SGMS2: variants seen among roughly 807,000 people sequenced by gnomAD.
The protein encoded by SGMS2 is sphingomyelin synthase 2.
In SGMS2, 21 loss-of-function variants were observed where a neutral mutation model predicts 43.8. That is an observed-to-expected ratio of 0.48 (90% CI 0.34 to 0.69). The LOEUF (loss-of-function observed/expected upper bound fraction) is 0.69. Ranked by LOEUF, SGMS2 falls within the 30% of genes least tolerant of loss-of-function variation. The pLI, the probability that SGMS2 is intolerant of heterozygous loss-of-function variation, is 0.01. For missense variants in SGMS2, 384 were observed against 443.2 expected, an observed-to-expected ratio of 0.87 and a Z score of 1.20; for synonymous variants, 167 against 160.6, an observed-to-expected ratio of 1.04 and a Z score of -0.30.
At position 107,825,029 on chromosome 4, in the gene SGMS2, G is replaced by C. The variant is rs1395488295; in HGVS notation, c.-551G>C. 1 of 151,900 alleles carries C rather than the reference G, an allele frequency of 6.6e-6. No homozygotes were observed. The highest frequency in any genetic ancestry group is 1.5e-5 in the Non-Finnish European group (1 of 68,030). 9.4% of individuals were successfully genotyped at this position (151,900 alleles called of 1,614,324 possible). On this transcript the variant is annotated 5_prime_UTR_variant, in exon 1 of 7. Transcript: ENST00000690982. ...CTGCAGCGCCGCCGAGTGCGGCCTC[G>C]GGGGCGGCGGCCGCGGGAGGGACCC...
chr4:107,855,719 A>T (rs1184144279), intron 1 of SGMS2, among the ~76,000 whole-genome samples: 1 of 152,180 alleles, frequency 6.6e-6, no homozygotes, highest in Non-Finnish European at 1.5e-5. Context: ...TCTAGAGTAT[A>T]GTTTAATTCC....
At chr4:107,887,639 G>A (rs936057862) in intron 2 of SGMS2, among the ~76,000 whole-genome samples, 3 of 152,118 alleles carry the variant, frequency 2.0e-5, no homozygotes, top group African/African-American at 7.2e-5. Context: ...AATTTGATTT[G>A]GAAAGTTTGT....
chr4:107,908,465 C>A, intron 5 of SGMS2, 100 bp from the exon 6 acceptor site: 2 of 1,199,064 alleles, frequency 1.7e-6, no homozygotes. Context: ...TGGTGACTTC[C>A]TGATCCTGGG....
chr4:107,866,650 G>A (rs1230904501), intron 2 of SGMS2, among the ~76,000 whole-genome samples: 1 of 151,896 alleles, frequency 6.6e-6, no homozygotes, highest in Non-Finnish European at 1.5e-5. Flanking sequence ...TCTCACGGTG[G>A]TGTTCTGAGC....
chr4:107,875,205 A>C (rs565227587), intron 2 of SGMS2, among the ~76,000 whole-genome samples: 1 of 152,202 alleles, frequency 6.6e-6, no homozygotes. Context: ...ACACATGCAC[A>C]TGTCTGTTCA....
chr4:107,891,828 T>A (rs973776577), intron 2 of SGMS2, among the ~76,000 whole-genome samples: 7 of 152,180 alleles, frequency 4.6e-5, no homozygotes, highest in African/African-American at 1.7e-4. Context: ...CCACACCATG[T>A]TGCCTGTTTC....
chr4:107,888,911 A>T (rs938187450), intron 2 of SGMS2, among the ~76,000 whole-genome samples: 8 of 152,326 alleles, frequency 5.3e-5, no homozygotes, highest in Middle Eastern at 3.4e-3. Context: ...TAGATTATTT[A>T]TGAAAACTGT....
intron 2 of SGMS2, among the ~76,000 whole-genome samples, chr4:107,879,934 T>G (rs561356016): frequency 2.0e-5 from 3 of 152,336 alleles, no homozygotes; most frequent in South Asian, 2.1e-4. Flanking sequence ...TTGCAGTCAC[T>G]GCCATTCTCA....
intron 2 of SGMS2, among the ~76,000 whole-genome samples, chr4:107,890,501 G>A (rs545886140): frequency 2.2e-4 from 34 of 151,912 alleles, no homozygotes; most frequent in African/African-American, 3.1e-4. Context: ...ATGGTGAAAC[G>A]TCATCTGTAC....
intron 1 of SGMS2, among the ~76,000 whole-genome samples, chr4:107,848,274 A>G (rs760127974): frequency 6.6e-6 from 1 of 152,168 alleles, no homozygotes; most frequent in Non-Finnish European, 1.5e-5. Flanking sequence ...CTGAATAATA[A>G]TACTGCATTA....
chr4:107,900,810 A>C (rs1407529976), intron 4 of SGMS2, among the ~76,000 whole-genome samples: 3 of 152,192 alleles, frequency 2.0e-5, no homozygotes, highest in Non-Finnish European at 4.4e-5. Context: ...TCCCTCACCA[A>C]ATATAGGTGT....
chr4:107,849,905 C>T (rs1015574518), intron 1 of SGMS2, among the ~76,000 whole-genome samples: 3 of 152,270 alleles, frequency 2.0e-5, no homozygotes, highest in East Asian at 3.9e-4. Context: ...TGTATCCCCA[C>T]TGGAAAGAAT....
intron 2 of SGMS2, among the ~76,000 whole-genome samples, chr4:107,881,985 G>C (rs1395052359): frequency 6.6e-6 from 1 of 152,034 alleles, no homozygotes; most frequent in African/African-American, 2.4e-5. Flanking sequence ...TTGTGTATAT[G>C]TACTACATTT....
intron 1 of SGMS2, among the ~76,000 whole-genome samples, chr4:107,856,459 A>G (rs1727431571): frequency 6.6e-6 from 1 of 152,240 alleles, no homozygotes; most frequent in Non-Finnish European, 1.5e-5. Flanking sequence ...AATAAAATCT[A>G]TAAGCTGACC....
intron 4 of SGMS2, 39 bp downstream of exon 4, chr4:107,899,731 A>C: frequency 7.1e-7 from 1 of 1,405,046 alleles, no homozygotes; most frequent in Non-Finnish European, 1.0e-6. Flanking sequence ...GAAATCAGGC[A>C]AACAGTTATT....
At chr4:107,825,998 G>T (rs1272523618) in intron 1 of SGMS2, among the ~76,000 whole-genome samples, 1 of 152,118 alleles carries the variant, frequency 6.6e-6, no homozygotes. Context: ...ACTGGATTCG[G>T]CGTGGGTTTT....
chr4:107,903,234 T>G lies in SGMS2; in HGVS notation c.575T>G (p.Leu192Arg). The G allele has an allele frequency of 6.2e-7, 1 of 1,613,912 alleles. No individual in the cohort carries two copies. Among genetic ancestry groups the G allele is most frequent in the South Asian group, 1.1e-5 (1 of 91,076 alleles). ...PGMHFQCAPK[L>R]NGDSQAKVQR... ...TCTTAATCTTCTTGTGTCATTCAGC[T>G]CAATGGAGACTCTCAGGCAAAAGTT... The change falls in exon 5 of 7, where the codon CTC becomes CGC. Residue 192 changes from leucine to arginine, a missense_variant and splice_region_variant. Leu to Arg is a moderately radical substitution (Grantham distance 102, BLOSUM62 -2). Transcript: ENST00000690982.
At position 107,828,202 on chromosome 4, in the gene SGMS2, C is replaced by T. The variant is rs192657552; in HGVS notation, c.-327+2949C>T. On this transcript the variant is annotated intron_variant, in intron 1 of 6. Coordinates refer to ENST00000690982, the MANE Select transcript of SGMS2 (RefSeq NM_001375905.1). ...ATCATTTAACATTTCTATCTGCCCCCTCTTTATATTTTGCCCCTATGCACA... is the reference window on the plus strand; with the variant it reads ...ATCATTTAACATTTCTATCTGCCCCTTCTTTATATTTTGCCCCTATGCACA... Among the ~76,000 whole-genome samples, 420 of 152,152 alleles carry T rather than the reference C, an allele frequency of 2.8e-3. 1 individual carries two copies. Among genetic ancestry groups the T allele is most frequent in the South Asian group, 9.1e-3 (44 of 4,812 alleles).
intron 1 of SGMS2, among the ~76,000 whole-genome samples, chr4:107,851,138 A>T (rs1727118981): frequency 6.6e-6 from 1 of 152,230 alleles, no homozygotes; most frequent in African/African-American, 2.4e-5. Context: ...ATATGCTAAT[A>T]TGCAACTTGC....
Sources: allele counts gnomAD v4.1 joint callset (sites outside exome capture counted in the v4.1 genomes callset), GRCh38; gene constraint gnomAD v4.1.1; transcripts MANE v1.5; gene names NCBI Gene and HGNC (gene_info 2026-07-23, HGNC 2026-07-21).